Variants in BRINP1 observed in about 807,000 individuals in gnomAD.
BRINP1 encodes BMP/retinoic acid inducible neural specific 1.
In BRINP1, 17 loss-of-function variants were observed where a neutral mutation model predicts 72.9. That is an observed-to-expected ratio of 0.23 (90% CI 0.16 to 0.35). The LOEUF is 0.35. BRINP1 is among the 10% of genes least tolerant of loss of function. BRINP1 has a pLI of 1.00. For synonymous variants in BRINP1, 418 were observed against 378.5 expected (o/e 1.10, Z -1.21); for missense variants, 850 against 1,001.6 (o/e 0.85, Z 2.04).
intron 2 of BRINP1, among the ~76,000 whole-genome samples, chr9:119,262,507 G>A (rs183245885): frequency 6.6e-5 from 10 of 151,988 alleles, no homozygotes; most frequent in East Asian, 1.9e-4. Context: ...ATTGCCGGGC[G>A]CGGTGGTGGA....
intron 4 of BRINP1, 121 bp downstream of exon 4, chr9:119,241,926 G>T (rs1325855703): frequency 1.0e-6 from 1 of 1,003,740 alleles, no homozygotes; most frequent in Non-Finnish European, 1.5e-6. Flanking sequence ...CTGGCAGAGG[G>T]CATCACGAGC....
At position 119,204,901 on chromosome 9, in the gene BRINP1, C is replaced by G. The variant is rs975587205; in HGVS notation, c.1145+3818G>C. ...TCCCTCTTTCCCTCTCCCACCTTAC[C>G]TTAACAAAGCCACCTGTTTGTGAGA... On this transcript the variant is annotated intron_variant, in intron 7 of 7. Coordinates refer to ENST00000265922, the MANE Select transcript of BRINP1 (RefSeq NM_014618.3). Among the ~76,000 whole-genome samples the G allele has an allele frequency of 1.2e-4, 19 of 152,342 alleles. 1 individual carries two copies. The highest frequency in any genetic ancestry group is 4.6e-4 in the African/African-American group (19 of 41,584).
At chr9:119,283,744 G>C (rs1404516112) in intron 2 of BRINP1, among the ~76,000 whole-genome samples, 1 of 152,128 alleles carries the variant, frequency 6.6e-6, no homozygotes, top group Non-Finnish European at 1.5e-5. Context: ...TGTTGGCCAG[G>C]CTGATCTCGA....
intron 7 of BRINP1, among the ~76,000 whole-genome samples, chr9:119,172,493 C>T (rs1209314295): frequency 1.3e-5 from 2 of 151,750 alleles, no homozygotes; most frequent in African/African-American, 2.4e-5. Flanking sequence ...TAATCAATAG[C>T]TTACCAACCA....
At chr9:119,288,681 T>C (rs1425997200) in intron 2 of BRINP1, among the ~76,000 whole-genome samples, 3 of 152,242 alleles carry the variant, frequency 2.0e-5, no homozygotes. Flanking sequence ...AGCCTTAGGA[T>C]ATAGCAGAGT....
chr9:119,283,008 T>G, intron 2 of BRINP1: 1 of 985,366 alleles, frequency 1.0e-6, no homozygotes, highest in Non-Finnish European at 1.2e-6. Flanking sequence ...AGATTCCTTT[T>G]AAGCCTTTTC....
At chr9:119,260,574 T>G (rs75418120) in intron 2 of BRINP1, among the ~76,000 whole-genome samples, 5,734 of 152,266 alleles carry the variant, frequency 0.038, 365 homozygotes, top group African/African-American at 0.13. Flanking sequence ...AGTATTCTCT[T>G]GCTCCCAAAA....
chr9:119,287,981 G>A (rs1830783277), intron 2 of BRINP1, among the ~76,000 whole-genome samples: 1 of 151,752 alleles, frequency 6.6e-6, no homozygotes, highest in Non-Finnish European at 1.5e-5. Flanking sequence ...ATGTACCACT[G>A]AACTTAAAAG....
chr9:119,313,125 G>C lies in BRINP1; in HGVS notation c.218+13C>G. ...ATGAATGTAAGGCAAGGGCTATTTAGCCCAGGTCTTACCTGTATATTTTAT... is the reference window on the plus strand; with the variant it reads ...ATGAATGTAAGGCAAGGGCTATTTACCCCAGGTCTTACCTGTATATTTTAT... On this transcript the variant is annotated intron_variant, in intron 2 of 7. Coordinates refer to ENST00000265922, the MANE Select transcript of BRINP1 (RefSeq NM_014618.3). 6.2e-7 allele frequency: 1 copy of C among 1,612,192 alleles called. No individual in the cohort carries two copies. Among genetic ancestry groups the C allele is most frequent in the South Asian group, 1.1e-5 (1 of 90,822 alleles).
chr9:119,176,147 G>A (rs1829486254), intron 7 of BRINP1, among the ~76,000 whole-genome samples: 1 of 152,200 alleles, frequency 6.6e-6, no homozygotes, highest in Non-Finnish European at 1.5e-5. Context: ...ACATGGCAAT[G>A]GAAGCTAAGG....
intron 2 of BRINP1, among the ~76,000 whole-genome samples, chr9:119,310,968 C>T (rs1326103511): frequency 6.6e-6 from 1 of 152,128 alleles, no homozygotes; most frequent in Admixed American, 6.5e-5. Context: ...GGTTCATATG[C>T]ACATTATGAC....
intron 1 of BRINP1, among the ~76,000 whole-genome samples, chr9:119,351,709 T>C (rs982821762): frequency 1.3e-5 from 2 of 152,234 alleles, no homozygotes; most frequent in Non-Finnish European, 2.9e-5. Flanking sequence ...CATGACATCA[T>C]GAATAAGTTG....
intron 7 of BRINP1, among the ~76,000 whole-genome samples, chr9:119,189,809 T>C (rs1829664213): frequency 6.6e-6 from 1 of 152,090 alleles, no homozygotes; most frequent in African/African-American, 2.4e-5. Context: ...AACTGCACTT[T>C]AGACCAAATG....
chr9:119,293,717 A>G (rs186086263), intron 2 of BRINP1, among the ~76,000 whole-genome samples: 1 of 152,330 alleles, frequency 6.6e-6, no homozygotes, highest in East Asian at 1.9e-4. Flanking sequence ...GCATATAGAT[A>G]GTATATTTGA....
chr9:119,307,119 C>G (rs1025839883), intron 2 of BRINP1, among the ~76,000 whole-genome samples: 4 of 151,684 alleles, frequency 2.6e-5, no homozygotes, highest in African/African-American at 9.7e-5. Flanking sequence ...TAGCGGCATC[C>G]CAGATCCCTG....
chr9:119,291,822 T>C (rs1304395881), intron 2 of BRINP1, among the ~76,000 whole-genome samples: 2 of 152,136 alleles, frequency 1.3e-5, no homozygotes, highest in Non-Finnish European at 2.9e-5. Flanking sequence ...CAGAGAATTA[T>C]AGAGTAGGCT....
intron 5 of BRINP1, among the ~76,000 whole-genome samples, chr9:119,228,652 AG>A (rs1830118000): frequency 6.6e-6 from 1 of 152,062 alleles, no homozygotes; most frequent in South Asian, 2.1e-4. Context: ...TGGGAATGCA[AG>A]GTATCTCTGG....
intron 1 of BRINP1, among the ~76,000 whole-genome samples, chr9:119,348,427 G>A (rs1372265526): frequency 2.0e-5 from 3 of 152,196 alleles, no homozygotes; most frequent in African/African-American, 7.2e-5. Context: ...ACATCTGTGT[G>A]CAGGTATTTG....
chr9:119,361,797 ATTTTT>A lies in BRINP1; in HGVS notation c.-51+7254_-51+7258del, dbSNP rs869281749. On this transcript the variant is annotated intron_variant, in intron 1 of 7. Transcript: ENST00000265922. ...CATTACGCCCAGCTACAGTTTTTGC[ATTTTT>A]TTTTTTTTTTTTTTTTTTGGAGACA... Among the ~76,000 whole-genome samples the A allele has an allele frequency of 2.3e-4, 15 of 64,466 alleles. No homozygotes were observed. The South Asian group carries it at 9.4e-3, about 40-fold the overall frequency. The allele number at this position is 64,466 out of a possible 152,430, so 42.3% of individuals were successfully genotyped here. A position where few individuals can be genotyped will look rare whatever the true frequency, so the allele number is the denominator to read the frequency against.
Sources: gnomAD v4.1 joint callset for allele counts (sites outside exome capture counted in the v4.1 genomes callset) on GRCh38, gnomAD v4.1.1 for gene constraint, MANE v1.5 for transcripts, NCBI Gene and HGNC (gene_info 2026-07-23, HGNC 2026-07-21) for gene names.